Variants in GRK3 observed in about 807,000 individuals in gnomAD.
GRK3 encodes G protein-coupled receptor kinase 3, also known as adrenergic, beta, receptor kinase 2.
GRK3 carries 54 observed loss-of-function variants against 95.7 expected under a neutral mutation model. That is an observed-to-expected ratio of 0.56 (90% confidence interval 0.45 to 0.71). GRK3 has a LOEUF of 0.71. GRK3 is among the 30% of genes least tolerant of loss of function. The probability of loss-of-function intolerance (pLI) is 0.00; values close to 1 mark genes in which losing one functional copy is unlikely to be tolerated. For synonymous variants in GRK3, 281 were observed against 290.8 expected (o/e 0.97, Z 0.34); for missense variants, 649 against 851.2 (o/e 0.76, Z 2.96).
At chr22:25,579,312 A>AC (rs1387191616) in intron 1 of GRK3, among the ~76,000 whole-genome samples, 13 of 150,874 alleles carry the variant, frequency 8.6e-5, no homozygotes, top group Admixed American at 7.9e-4. Flanking sequence ...ATGCCTGGCT[A>AC]ATTTTTTTTT....
Position 25,713,310 on chromosome 22 carries a change from C to T in GRK3, c.1492-1098C>T, listed in dbSNP as rs558775824. 3.3e-5 allele frequency among the ~76,000 whole-genome samples: 5 copies of T among 152,256 alleles called. No homozygotes were observed. The South Asian group carries it at 1.0e-3, about 32-fold the overall frequency. ...TCCCATTCAGAGCAACTGAGGGGCT[C>T]AGCTATGGGCTTAGATAGAATGTCT... On this transcript the variant is annotated intron_variant, in intron 17 of 20. Coordinates refer to ENST00000324198, the MANE Select transcript of GRK3 (RefSeq NM_005160.4).
chr22:25,639,971 TG>T (rs1160231314), intron 2 of GRK3, among the ~76,000 whole-genome samples: 1 of 152,188 alleles, frequency 6.6e-6, no homozygotes, highest in Non-Finnish European at 1.5e-5. Flanking sequence ...TTGTGTGCTA[TG>T]AGTTTATAGA....
chr22:25,609,188 G>A (rs920291530), intron 2 of GRK3, among the ~76,000 whole-genome samples: 2 of 152,124 alleles, frequency 1.3e-5, no homozygotes, highest in Admixed American at 1.3e-4. Flanking sequence ...AAGATACATT[G>A]AAATTGTAAT....
intron 2 of GRK3, among the ~76,000 whole-genome samples, chr22:25,626,934 G>C (rs1029105500): frequency 3.3e-5 from 5 of 152,170 alleles, no homozygotes; most frequent in African/African-American, 1.2e-4. Flanking sequence ...AATATTCAGT[G>C]GGGCAGAGGT....
At chr22:25,631,586 G>A (rs2084664570) in intron 2 of GRK3, among the ~76,000 whole-genome samples, 1 of 152,128 alleles carries the variant, frequency 6.6e-6, no homozygotes, top group South Asian at 2.1e-4. Flanking sequence ...GGAGGTGCAG[G>A]TTTATTGAGG....
chr22:25,639,645 C>G (rs1479687009), intron 2 of GRK3, among the ~76,000 whole-genome samples: 1 of 151,978 alleles, frequency 6.6e-6, no homozygotes, highest in African/African-American at 2.4e-5. Flanking sequence ...TTTGGGTATT[C>G]TAGGTTTTTT....
chr22:25,609,845 C>CTTTTT (rs980049696), intron 2 of GRK3, among the ~76,000 whole-genome samples: 2 of 127,858 alleles, frequency 1.6e-5, no homozygotes, highest in Admixed American at 7.8e-5. Flanking sequence ...GCAATTTTTA[C>CTTTTT]TTTTTTTTTT....
intron 7 of GRK3, among the ~76,000 whole-genome samples, chr22:25,672,767 G>A (rs185838218): frequency 6.6e-6 from 1 of 151,902 alleles, no homozygotes; most frequent in African/African-American, 2.4e-5. Flanking sequence ...TCAGACCAAG[G>A]CTTCATCTTC....
rs542477953 is a variant in GRK3 at position 25,672,636 on chromosome 22, C to G, written c.555+289C>G. 7.2e-5 allele frequency among the ~76,000 whole-genome samples: 11 copies of G among 152,238 alleles called. No homozygotes were observed. The South Asian group carries it at 1.9e-3, about 26-fold the overall frequency. ...TAGTAGTAAAAATACAAATCTTTTA[C>G]TTAATATAACTCCTTCATGTCCTTG... On this transcript the variant is annotated intron_variant, in intron 7 of 20. Coordinates refer to ENST00000324198, the MANE Select transcript of GRK3 (RefSeq NM_005160.4).
intron 2 of GRK3, among the ~76,000 whole-genome samples, chr22:25,628,855 G>A (rs2084645422): frequency 6.6e-6 from 1 of 152,110 alleles, no homozygotes; most frequent in Non-Finnish European, 1.5e-5. Context: ...GGACTTGGGA[G>A]TCCCTTGCAG....
At chr22:25,600,079 A>G (rs1282392783) in intron 1 of GRK3, among the ~76,000 whole-genome samples, 1 of 152,170 alleles carries the variant, frequency 6.6e-6, no homozygotes, top group African/African-American at 2.4e-5. Flanking sequence ...AGGGTGAAAA[A>G]GCAAGATCCA....
chr22:25,647,661 A>C (rs1174958860), intron 3 of GRK3: 7 of 1,411,192 alleles, frequency 5.0e-6, no homozygotes, highest in African/African-American at 1.4e-5. Flanking sequence ...AAGCAAGATC[A>C]ATCACTACAG....
intron 6 of GRK3, among the ~76,000 whole-genome samples, chr22:25,669,607 C>G (rs2084965473): frequency 6.6e-6 from 1 of 152,164 alleles, no homozygotes; most frequent in Admixed American, 6.5e-5. Context: ...TGTCACAGTT[C>G]CCCTCCTGTC....
intron 1 of GRK3, among the ~76,000 whole-genome samples, chr22:25,583,517 G>C (rs1451124095): frequency 3.3e-5 from 5 of 152,062 alleles, no homozygotes; most frequent in African/African-American, 1.2e-4. Flanking sequence ...CCTGGGTTCT[G>C]GGGCACCCTG....
intron 2 of GRK3, among the ~76,000 whole-genome samples, chr22:25,632,248 A>G (rs549967235): frequency 6.6e-6 from 1 of 152,316 alleles, no homozygotes; most frequent in African/African-American, 2.4e-5. Flanking sequence ...TAGTAAGTAT[A>G]TAGGATTATC....
At chr22:25,617,140 T>C (rs1392328606) in intron 2 of GRK3, among the ~76,000 whole-genome samples, 1 of 152,228 alleles carries the variant, frequency 6.6e-6, no homozygotes, top group Non-Finnish European at 1.5e-5. Flanking sequence ...CACATATTCT[T>C]ACCTTATACG....
At chr22:25,707,507 G>A (rs764976749) in intron 15 of GRK3, among the ~76,000 whole-genome samples, 11 of 152,176 alleles carry the variant, frequency 7.2e-5, no homozygotes, top group Non-Finnish European at 1.3e-4. Flanking sequence ...TCATGCTATG[G>A]GAAAGCCATG....
intron 6 of GRK3, among the ~76,000 whole-genome samples, chr22:25,670,824 C>T (rs1184769423): frequency 1.4e-5 from 2 of 143,450 alleles, no homozygotes; most frequent in East Asian, 2.1e-4. Flanking sequence ...GAGGCCGAGG[C>T]GGGCGGATCG....
chr22:25,701,665 A>T (rs780150942), intron 13 of GRK3, among the ~76,000 whole-genome samples: 2 of 152,180 alleles, frequency 1.3e-5, no homozygotes, highest in Admixed American at 1.3e-4. Context: ...CTGCAAGTAC[A>T]TCGGGACCAG....
Sources: allele counts gnomAD v4.1 joint callset (sites outside exome capture counted in the v4.1 genomes callset), GRCh38; gene constraint gnomAD v4.1.1; transcripts MANE v1.5; gene names NCBI Gene and HGNC (gene_info 2026-07-23, HGNC 2026-07-21).